The following KANK1 variants were observed in gnomAD, a reference collection of about 807,000 sequenced individuals.
KANK1 encodes KN motif and ankyrin repeat domain-containing protein 1.
In KANK1, 109 loss-of-function variants were observed where a neutral mutation model predicts 106.2. The observed-to-expected ratio is 1.03, with a 90% CI of 0.88 to 1.20. The LOEUF is 1.20. Among genes scored for constraint, KANK1 ranks in the 50% most tolerant of loss-of-function variants. KANK1 has a pLI of 0.00. For missense variants in KANK1, 2,399 were observed against 1,710.7 expected (o/e 1.40, Z -7.10); for synonymous variants, 873 against 652.2 (o/e 1.34, Z -5.16).
intron 3 of KANK1, chr9:495,566 A>G (rs1295616386): frequency 1.3e-5 from 2 of 152,134 alleles, no homozygotes; most frequent in African/African-American, 2.4e-5. Context: ...AGGCAGCTGC[A>G]CTTCATATAT....
chr9:526,298 C>T (rs899235180), intron 1 of KANK1, among the ~76,000 whole-genome samples: 13 of 151,812 alleles, frequency 8.6e-5, no homozygotes, highest in Middle Eastern at 6.8e-3. Flanking sequence ...GCACCAGCAG[C>T]AGTAGACCTA....
intron 1 of KANK1, among the ~76,000 whole-genome samples, chr9:529,712 C>G (rs575525966): frequency 6.4e-4 from 98 of 152,230 alleles, no homozygotes; most frequent in African/African-American, 2.2e-3. Context: ...TAATCAGTTT[C>G]CTATTGATTT....
Position 738,378 on chromosome 9 carries a change from T to C in KANK1, c.3427T>C (p.Phe1143Leu). Residue 1143 changes from phenylalanine to leucine, a missense_variant, in exon 8 of 12, where the codon TTT becomes CTT. Phe to Leu is a conservative substitution (Grantham distance 22). Transcript: ENST00000382297. The part of the protein sequence containing the change: ...PAMVGDYIAA[F>L]EAISPDVLRY... Reference sequence around the variant, plus strand: ...CATGGTGGGGGACTACATAGCTGCTTTTGAGGCCATTTCCCCAGATGTCCT... The same window carrying C: ...CATGGTGGGGGACTACATAGCTGCTCTTGAGGCCATTTCCCCAGATGTCCT... 6.2e-7 allele frequency: 1 copy of C among 1,614,138 alleles called. No individual in the cohort carries two copies. Among genetic ancestry groups the C allele is most frequent in the Non-Finnish European group, 8.5e-7 (1 of 1,180,016 alleles).
intron 1 of KANK1, among the ~76,000 whole-genome samples, chr9:561,914 C>T (rs981724149): frequency 2.6e-5 from 4 of 152,102 alleles, no homozygotes; most frequent in Admixed American, 6.6e-5. Context: ...AAGAGAGGCT[C>T]ATGGCAGGCA....
intron 1 of KANK1, among the ~76,000 whole-genome samples, chr9:647,152 A>G (rs2137394008): frequency 6.6e-6 from 1 of 151,252 alleles, no homozygotes; most frequent in South Asian, 2.1e-4. Flanking sequence ...AGAACCAAGT[A>G]TAAATTTGCC....
intron 1 of KANK1, among the ~76,000 whole-genome samples, chr9:542,812 T>G (rs1183463141): frequency 6.7e-6 from 1 of 150,312 alleles, no homozygotes; most frequent in Non-Finnish European, 1.5e-5. Context: ...ATACTGCATT[T>G]TCTCACTTAT....
chr9:697,431 T>C (rs186818050), intron 2 of KANK1, among the ~76,000 whole-genome samples: 547 of 152,264 alleles, frequency 3.6e-3, no homozygotes, highest in African/African-American at 0.012. Context: ...CTTTATTCTT[T>C]AAAATGGAGC....
intron 4 of KANK1, 68 bp from the exon 5 acceptor site, chr9:731,090 C>A (rs980720744): frequency 2.4e-6 from 2 of 818,768 alleles, no homozygotes; most frequent in Non-Finnish European, 4.0e-6. Flanking sequence ...AAGAACTGTA[C>A]AGGAAAAAAG....
intron 1 of KANK1, among the ~76,000 whole-genome samples, chr9:517,028 T>C (rs185181954): frequency 0.044 from 3,952 of 90,716 alleles, 270 homozygotes; most frequent in African/African-American, 0.23. Context: ...CACACACACA[T>C]CCGTCTTGTG....
At chr9:539,277 C>T (rs772795235) in intron 1 of KANK1, among the ~76,000 whole-genome samples, 1 of 152,154 alleles carries the variant, frequency 6.6e-6, no homozygotes, top group Non-Finnish European at 1.5e-5. Context: ...TTTTTTTCCG[C>T]TGTAAAAAAT....
chr9:615,451 G>GT (rs1333832396), intron 1 of KANK1, among the ~76,000 whole-genome samples: 1 of 151,980 alleles, frequency 6.6e-6, no homozygotes, highest in Non-Finnish European at 1.5e-5. Context: ...GATGGTTTGA[G>GT]TACCCACATT....
chr9:597,746 C>T, intron 1 of KANK1, among the ~76,000 whole-genome samples: 1 of 151,610 alleles, frequency 6.6e-6, no homozygotes, highest in East Asian at 1.9e-4. Context: ...TCACTGCAAC[C>T]TCTGTCTCCT....
chr9:495,948 TATC>T (rs1470610005), intron 3 of KANK1, among the ~76,000 whole-genome samples: 2 of 151,398 alleles, frequency 1.3e-5, no homozygotes, highest in African/African-American at 2.5e-5. Context: ...AGTGTAAAGT[TATC>T]ATCACTAGCA....
At chr9:725,116 G>C (rs147971722) in intron 3 of KANK1, among the ~76,000 whole-genome samples, 2,489 of 152,230 alleles carry the variant, frequency 0.016, 62 homozygotes, top group African/African-American at 0.056. Flanking sequence ...ACAGCTAAAG[G>C]AGAAAGCATT....
chr9:564,487 A>G (rs1462611762), intron 1 of KANK1, among the ~76,000 whole-genome samples: 2 of 152,266 alleles, frequency 1.3e-5, no homozygotes, highest in Non-Finnish European at 2.9e-5. Context: ...ATATACGTGT[A>G]CATATCTCTA....
chr9:672,749 A>C (rs1326312263), intron 1 of KANK1, among the ~76,000 whole-genome samples: 2 of 152,210 alleles, frequency 1.3e-5, no homozygotes, highest in African/African-American at 4.8e-5. Context: ...CAGCTCATGC[A>C]ATGTTTCCGT....
intron 1 of KANK1, among the ~76,000 whole-genome samples, chr9:619,823 G>A (rs1400943399): frequency 2.0e-5 from 3 of 151,950 alleles, no homozygotes; most frequent in Non-Finnish European, 4.4e-5. Context: ...GTTTTTCCAA[G>A]CAGAGTTAGC....
chr9:608,842 A>T (rs577333572), intron 1 of KANK1, among the ~76,000 whole-genome samples: 1 of 152,202 alleles, frequency 6.6e-6, no homozygotes, highest in Non-Finnish European at 1.5e-5. Context: ...AACTAAGCCA[A>T]TGTTGAGACT....
At chr9:710,381 G>A (rs1409237933) in intron 2 of KANK1, among the ~76,000 whole-genome samples, 1 of 152,058 alleles carries the variant, frequency 6.6e-6, no homozygotes, top group Non-Finnish European at 1.5e-5. Flanking sequence ...ACTTTGGGAG[G>A]CCAGGTTGGG....
Sources: gnomAD v4.1 joint callset for allele counts (sites outside exome capture counted in the v4.1 genomes callset) on GRCh38, gnomAD v4.1.1 for gene constraint, MANE v1.5 for transcripts, NCBI Gene and HGNC (gene_info 2026-07-23, HGNC 2026-07-21) for gene names.